CSMD1: variants seen among roughly 807,000 people sequenced by gnomAD.
CSMD1 encodes the protein CUB and Sushi multiple domains 1.
CSMD1 carries 213 observed loss-of-function variants against 417.5 expected under a neutral mutation model. The observed-to-expected ratio is 0.51, with a 90% CI of 0.46 to 0.57. The LOEUF is 0.57. Ranked by LOEUF, CSMD1 falls within the 20% of genes least tolerant of loss-of-function variation. The probability of loss-of-function intolerance (pLI) is 0.00; values close to 1 mark genes in which losing one functional copy is unlikely to be tolerated. For missense variants in CSMD1, 6,923 were observed against 4,529.7 expected (o/e 1.53, Z -15.17); for synonymous variants, 2,862 against 1,736.8 (o/e 1.65, Z -16.11).
intron 1 of CSMD1, among the ~76,000 whole-genome samples, chr8:4,783,140 C>T (rs956066256): frequency 2.0e-5 from 3 of 152,184 alleles, no homozygotes; most frequent in Admixed American, 6.5e-5. Context: ...ATGTAATCAG[C>T]AAATTCATCT....
At position 3,161,126 on chromosome 8, in the gene CSMD1, T is replaced by C. The variant is rs889084476; in HGVS notation, c.5844+1033A>G. Among the ~76,000 whole-genome samples the C allele has an allele frequency of 2.0e-5, 3 of 152,348 alleles. No individual in the cohort carries two copies. In the East Asian group the frequency reaches 5.8e-4, roughly 29 times the overall value. ...TCGACCTATATATTTCTCCTGACTT[T>C]AGAATATACATGTTTTGATTATCAA... On this transcript the variant is annotated intron_variant, in intron 38 of 69. Transcript: ENST00000635120.
intron 3 of CSMD1, among the ~76,000 whole-genome samples, chr8:4,305,665 C>G (rs1798205708): frequency 6.6e-6 from 1 of 152,172 alleles, no homozygotes; most frequent in South Asian, 2.1e-4. Flanking sequence ...CCTCAACCAG[C>G]AGAGAGTAAG....
intron 10 of CSMD1, among the ~76,000 whole-genome samples, chr8:3,542,374 T>G (rs1258881532): frequency 8.5e-5 from 13 of 152,240 alleles, no homozygotes; most frequent in Admixed American, 8.5e-4. Flanking sequence ...TTAGTTATTT[T>G]ATTTTACAAA....
intron 5 of CSMD1, among the ~76,000 whole-genome samples, chr8:3,953,109 T>C (rs1041328760): frequency 3.9e-5 from 6 of 151,970 alleles, no homozygotes; most frequent in Non-Finnish European, 8.8e-5. Context: ...AAGCTTTCTC[T>C]GAAAAGATCA....
chr8:4,669,521 A>G (rs766102473), intron 1 of CSMD1, among the ~76,000 whole-genome samples: 2 of 152,176 alleles, frequency 1.3e-5, no homozygotes, highest in Non-Finnish European at 2.9e-5. Flanking sequence ...CACTTCTTCC[A>G]AATTGACACA....
At chr8:3,635,826 A>G (rs1335530340) in intron 7 of CSMD1, among the ~76,000 whole-genome samples, 1 of 151,136 alleles carries the variant, frequency 6.6e-6, no homozygotes. Context: ...GAAAGAAAGA[A>G]AGAAAAAAAA....
chr8:4,789,227 G>A (rs1563389104), intron 1 of CSMD1, among the ~76,000 whole-genome samples: 2 of 152,150 alleles, frequency 1.3e-5, no homozygotes. Flanking sequence ...ATATAAAGAA[G>A]CTATCCTGCC....
chr8:3,907,760 G>C (rs1025920902), intron 5 of CSMD1, among the ~76,000 whole-genome samples: 1 of 152,198 alleles, frequency 6.6e-6, no homozygotes, highest in Non-Finnish European at 1.5e-5. Flanking sequence ...GTGTCAGTCA[G>C]TAACAGACTG....
chr8:4,705,481 A>G (rs1168306994), intron 1 of CSMD1, among the ~76,000 whole-genome samples: 1 of 152,140 alleles, frequency 6.6e-6, no homozygotes, highest in Non-Finnish European at 1.5e-5. Context: ...GCTGTGTACA[A>G]TTGCAATTAT....
intron 2 of CSMD1, among the ~76,000 whole-genome samples, chr8:4,607,180 T>C (rs1000125759): frequency 6.6e-6 from 1 of 152,282 alleles, no homozygotes; most frequent in East Asian, 1.9e-4. Context: ...CTCAAGGAAC[T>C]AATTGATAGT....
At chr8:3,645,067 C>G (rs532919717) in intron 7 of CSMD1, among the ~76,000 whole-genome samples, 69 of 151,716 alleles carry the variant, frequency 4.5e-4, no homozygotes, top group Non-Finnish European at 9.6e-4. Flanking sequence ...GATCCAGCAG[C>G]CTTCTTACCA....
chr8:3,929,900 G>T (rs1164529932), intron 5 of CSMD1, among the ~76,000 whole-genome samples: 4 of 150,158 alleles, frequency 2.7e-5, no homozygotes, highest in Non-Finnish European at 4.4e-5. Context: ...GACCTCAGGT[G>T]ATCTACCTGC....
chr8:4,370,040 G>A (rs1250743537), intron 3 of CSMD1, among the ~76,000 whole-genome samples: 1 of 151,942 alleles, frequency 6.6e-6, no homozygotes, highest in Non-Finnish European at 1.5e-5. Context: ...GATTTATAAT[G>A]TCAATGAGGT....
chr8:4,412,593 G>C (rs749924364), intron 3 of CSMD1, among the ~76,000 whole-genome samples: 1 of 152,094 alleles, frequency 6.6e-6, no homozygotes, highest in Non-Finnish European at 1.5e-5. Context: ...AGCCTCACAA[G>C]TGGAATTTCT....
chr8:3,145,347 G>A (rs1010036398), intron 40 of CSMD1, among the ~76,000 whole-genome samples: 10 of 152,122 alleles, frequency 6.6e-5, no homozygotes, highest in Admixed American at 5.9e-4. Flanking sequence ...CGCATATGCA[G>A]ACTTCAGATA....
chr8:4,561,217 A>C lies in CSMD1; in HGVS notation c.302+76125T>G, dbSNP rs180787115. Among the ~76,000 whole-genome samples, 7 of 152,274 alleles carry C rather than the reference A, an allele frequency of 4.6e-5. No individual in the cohort carries two copies. In the East Asian group the frequency reaches 9.7e-4, roughly 21 times the overall value. ...AAACCCCATCTCTGCTAAAATACAA[A>C]AAAACAAACAGTCAGGCGTGGTAGT... On this transcript the variant is annotated intron_variant, in intron 2 of 69. Coordinates refer to ENST00000635120, the MANE Select transcript of CSMD1 (RefSeq NM_033225.6).
intron 3 of CSMD1, among the ~76,000 whole-genome samples, chr8:4,383,212 G>A (rs575370263): frequency 1.6e-4 from 25 of 152,290 alleles, no homozygotes; most frequent in African/African-American, 5.8e-4. Context: ...TACTGACCCA[G>A]TATGTTAATG....
intron 1 of CSMD1, among the ~76,000 whole-genome samples, chr8:4,745,775 T>A (rs575725650): frequency 1.3e-5 from 2 of 152,164 alleles, no homozygotes; most frequent in African/African-American, 4.8e-5. Flanking sequence ...GAACACGCAT[T>A]TTTGAACTTC....
intron 2 of CSMD1, among the ~76,000 whole-genome samples, chr8:4,574,671 A>G (rs1460298448): frequency 1.3e-5 from 2 of 152,172 alleles, no homozygotes; most frequent in African/African-American, 4.8e-5. Context: ...TGAATTAGCT[A>G]TACGCTCTCT....
Sources: allele counts gnomAD v4.1 joint callset (sites outside exome capture counted in the v4.1 genomes callset), GRCh38; gene constraint gnomAD v4.1.1; transcripts MANE v1.5; gene names NCBI Gene and HGNC (gene_info 2026-07-23, HGNC 2026-07-21).